EYA1: variants seen among roughly 807,000 people sequenced by gnomAD.
The protein encoded by EYA1 is EYA transcriptional coactivator and phosphatase 1.
Under a neutral mutation model 82.0 loss-of-function variants are expected in EYA1, and 16 were observed. The ratio of observed to expected loss-of-function variants is 0.20; its 90% CI spans 0.13 to 0.30. The LOEUF (loss-of-function observed/expected upper bound fraction) is 0.30, where lower values mean the gene tolerates loss of function less well. EYA1 is among the 10% of genes least tolerant of loss of function. EYA1 has a pLI of 1.00. For missense variants in EYA1, 633 were observed against 730.7 expected, an observed-to-expected ratio of 0.87 and a Z score of 1.54; for synonymous variants, 261 against 264.4, an observed-to-expected ratio of 0.99 and a Z score of 0.12.
chr8:71,201,238 G>A (rs200713864), intron 17 of EYA1, among the ~76,000 whole-genome samples: 265 of 135,542 alleles, frequency 2.0e-3, no homozygotes, highest in African/African-American at 5.6e-3. Context: ...AAAAAAAAAA[G>A]AAAAAAAAAA....
At chr8:71,282,938 GT>G (rs11330984) in intron 9 of EYA1, among the ~76,000 whole-genome samples, 26,186 of 131,250 alleles carry the variant, frequency 0.2, 2,064 homozygotes, top group East Asian at 0.51. Flanking sequence ...ACACCACCTT[GT>G]TTTTTTTTTT....
At chr8:71,468,092 C>T (rs1447860486) in intron 2 of EYA1, among the ~76,000 whole-genome samples, 1 of 152,044 alleles carries the variant, frequency 6.6e-6, no homozygotes, top group African/African-American at 2.4e-5. Flanking sequence ...AGTACTAAGA[C>T]CACATTTATC....
At chr8:71,474,718 T>C (rs1295999018) in intron 2 of EYA1, among the ~76,000 whole-genome samples, 2 of 152,138 alleles carry the variant, frequency 1.3e-5, no homozygotes, top group African/African-American at 4.8e-5. Context: ...CAAAGATATA[T>C]AAAGATTATT....
At chr8:71,374,732 T>C (rs1205999561) in intron 2 of EYA1, among the ~76,000 whole-genome samples, 1 of 152,104 alleles carries the variant, frequency 6.6e-6, no homozygotes, top group African/African-American at 2.4e-5. Context: ...TTATTCACAA[T>C]AGCCAAGCCA....
At chr8:71,308,026 T>C (rs934733405) in intron 7 of EYA1, among the ~76,000 whole-genome samples, 6 of 152,224 alleles carry the variant, frequency 3.9e-5, no homozygotes, top group African/African-American at 1.4e-4. Context: ...TGAGGTTATT[T>C]CCAACATCAT....
intron 7 of EYA1, among the ~76,000 whole-genome samples, chr8:71,304,378 C>T (rs1820508665): frequency 7.0e-6 from 1 of 142,812 alleles, no homozygotes; most frequent in South Asian, 2.3e-4. Context: ...CTCTTAATCT[C>T]TATAGTAAAT....
chr8:71,220,544 C>T (rs935214955), intron 12 of EYA1, among the ~76,000 whole-genome samples: 2 of 152,146 alleles, frequency 1.3e-5, no homozygotes, highest in Admixed American at 6.5e-5. Flanking sequence ...CATTCATGTA[C>T]GTGTCAAATT....
At chr8:71,449,088 G>T in intron 2 of EYA1, 1 of 166,688 alleles carries the variant, frequency 6.0e-6, no homozygotes. Context: ...TATCTATGAG[G>T]TTGCAAACAG....
intron 12 of EYA1, among the ~76,000 whole-genome samples, chr8:71,238,297 G>T (rs564235784): frequency 6.6e-6 from 1 of 152,056 alleles, no homozygotes; most frequent in African/African-American, 2.4e-5. Flanking sequence ...ACATTAGGCC[G>T]CATAATTCTT....
intron 12 of EYA1, among the ~76,000 whole-genome samples, chr8:71,242,068 G>A (rs1455246722): frequency 6.6e-6 from 1 of 152,034 alleles, no homozygotes; most frequent in African/African-American, 2.4e-5. Context: ...AATTAGCCAC[G>A]CATGGTGGTG....
At chr8:71,546,307 T>A (rs1230234970) in intron 1 of EYA1, among the ~76,000 whole-genome samples, 2 of 152,162 alleles carry the variant, frequency 1.3e-5, no homozygotes, top group African/African-American at 4.8e-5. Context: ...TAACAAAATG[T>A]CTGGTACAAT....
intron 12 of EYA1, among the ~76,000 whole-genome samples, chr8:71,230,819 C>T (rs1585890317): frequency 6.6e-6 from 1 of 152,222 alleles, no homozygotes; most frequent in Non-Finnish European, 1.5e-5. Flanking sequence ...ATTTTCAATA[C>T]ATATTTGGAT....
At position 71,492,523 on chromosome 8, in the gene EYA1, C is replaced by A. The variant is rs868183788; in HGVS notation, c.33+43221G>T. Among the ~76,000 whole-genome samples, 3 of 148,184 alleles carry A rather than the reference C, an allele frequency of 2.0e-5. No homozygotes were observed. In the Admixed American group the frequency reaches 2.0e-4, roughly 10 times the overall value. ...TCTGTTGCCCAGGCTGGAGTGCAGT[C>A]GCGTGATCTCAGCTCACTGCAAGCT... is the stretch of plus-strand genomic sequence containing the variant. On this transcript the variant is annotated intron_variant, in intron 2 of 18. Transcript: ENST00000643681.
At chr8:71,398,075 T>C in intron 2 of EYA1, among the ~76,000 whole-genome samples, 1 of 152,322 alleles carries the variant, frequency 6.6e-6, no homozygotes, top group East Asian at 1.9e-4. Flanking sequence ...TTCCACTTGA[T>C]CAAATCTTGT....
chr8:71,200,900 G>A (rs1268081864), intron 17 of EYA1, among the ~76,000 whole-genome samples: 4 of 150,722 alleles, frequency 2.7e-5, no homozygotes, highest in Non-Finnish European at 2.9e-5. Flanking sequence ...CACTCTGATG[G>A]TTATGTGCAT....
At chr8:71,327,853 C>CTTTTT (rs71555578) in intron 4 of EYA1, among the ~76,000 whole-genome samples, 12 of 110,190 alleles carry the variant, frequency 1.1e-4, no homozygotes, top group East Asian at 2.9e-4. Flanking sequence ...TCTTTAAGTT[C>CTTTTT]TTTTTTTTTT....
At chr8:71,326,897 A>C (rs576110616) in intron 4 of EYA1, among the ~76,000 whole-genome samples, 1 of 152,100 alleles carries the variant, frequency 6.6e-6, no homozygotes, top group South Asian at 2.1e-4. Context: ...CAAAAACATA[A>C]ATTAAGTCAT....
At chr8:71,386,520 G>T (rs1045361240) in intron 2 of EYA1, among the ~76,000 whole-genome samples, 4 of 152,176 alleles carry the variant, frequency 2.6e-5, no homozygotes, top group African/African-American at 4.8e-5. Flanking sequence ...GACCAACATT[G>T]TCTAGAGTGA....
At chr8:71,341,056 T>C (rs556071068) in intron 3 of EYA1, among the ~76,000 whole-genome samples, 4 of 152,202 alleles carry the variant, frequency 2.6e-5, no homozygotes, top group African/African-American at 7.2e-5. Context: ...GTGTCAGTTA[T>C]GTTATTTTGA....
Sources: allele counts gnomAD v4.1 joint callset (sites outside exome capture counted in the v4.1 genomes callset), GRCh38; gene constraint gnomAD v4.1.1; transcripts MANE v1.5; gene names NCBI Gene and HGNC (gene_info 2026-07-23, HGNC 2026-07-21).